SLC25A48: variants seen among roughly 807,000 people sequenced by gnomAD.
SLC25A48 encodes solute carrier family 25 member 48, also known as CTC-321K16.1.
A neutral mutation model predicts 32.2 loss-of-function variants in SLC25A48; 29 were observed. The observed-to-expected ratio is 0.90, with a 90% CI of 0.67 to 1.23. The LOEUF (loss-of-function observed/expected upper bound fraction) is 1.23, where lower values mean the gene tolerates loss of function less well. SLC25A48 is among the 50% of genes most tolerant of loss of function. SLC25A48 has a pLI of 0.00. For missense variants in SLC25A48, 399 were observed against 422.7 expected (o/e 0.94, Z 0.49); for synonymous variants, 164 against 172.3 (o/e 0.95, Z 0.38).
intron 4 of SLC25A48, among the ~76,000 whole-genome samples, chr5:135,822,454 A>G (rs1418673324): frequency 6.6e-6 from 1 of 152,156 alleles, no homozygotes; most frequent in Non-Finnish European, 1.5e-5. Context: ...CTGTTCCTTC[A>G]TGCCTCCCTC....
chr5:135,692,647 C>T (rs1042020253), intron 3 of SLC25A48, among the ~76,000 whole-genome samples: 5 of 152,244 alleles, frequency 3.3e-5, no homozygotes, highest in Admixed American at 1.3e-4. Flanking sequence ...TAGGAAATGC[C>T]GTCTTTGAGA....
chr5:135,850,449 T>C lies in SLC25A48; in HGVS notation c.115T>C (p.Tyr39His). The C allele has an allele frequency of 1.2e-6, 2 of 1,614,142 alleles. No individual in the cohort carries two copies. The highest frequency in any genetic ancestry group is 1.7e-6 in the Non-Finnish European group (2 of 1,180,016). Residue 39 changes from tyrosine to histidine, a missense_variant, in exon 3 of 8, where the codon TAC (tyrosine) becomes CAC (histidine). Transcript: ENST00000681962. ...VKTRLQAGVG[Y>H]GNTLSCIRVV... ...GACTCGCCTGCAGGCTGGCGTTGGCTACGGAAACACCCTCAGCTGCATCCG... is the reference window on the plus strand; with the variant it reads ...GACTCGCCTGCAGGCTGGCGTTGGCCACGGAAACACCCTCAGCTGCATCCG...
intron 3 of SLC25A48, among the ~76,000 whole-genome samples, chr5:135,709,412 C>T (rs192261921): frequency 8.7e-4 from 133 of 152,364 alleles, no homozygotes; most frequent in Admixed American, 1.8e-3. Context: ...TCTTAACCCA[C>T]GGGTCCTGGC....
In SLC25A48 at chr5:135,843,177, C is replaced by T. The variant is rs145637933; in HGVS notation, c.90+718C>T. On this transcript the variant is annotated intron_variant, in intron 2 of 7. Transcript: ENST00000681962. ...AAACACTTTAAGTAGTAAAGGGGGG[C>T]GTTTAGGCTCCCCAGGGGACATCCC... is the stretch of plus-strand genomic sequence containing the variant. Among the ~76,000 whole-genome samples, 753 of 152,254 alleles carry T rather than the reference C, an allele frequency of 4.9e-3. 3 individuals are homozygous for T. Among genetic ancestry groups the T allele is most frequent in the African/African-American group, 0.017 (724 of 41,542 alleles).
At chr5:135,850,282 G>C in intron 2 of SLC25A48, 143 bp from the exon 3 acceptor site, 2 of 719,162 alleles carry the variant, frequency 2.8e-6, no homozygotes, top group South Asian at 3.4e-5. Flanking sequence ...CTGGAGACAG[G>C]GCACCAGCCT....
At chr5:135,768,074 G>A in intron 3 of SLC25A48, among the ~76,000 whole-genome samples, 1 of 148,448 alleles carries the variant, frequency 6.7e-6, no homozygotes, top group African/African-American at 2.5e-5. Context: ...ATCGCAGCGG[G>A]TGTACACCCC....
intron 7 of SLC25A48, among the ~76,000 whole-genome samples, chr5:135,882,272 C>T (rs923713527): frequency 9.9e-5 from 15 of 152,242 alleles, no homozygotes; most frequent in African/African-American, 3.6e-4. Context: ...TGGCATTCAA[C>T]TTCCTGCTCT....
chr5:135,819,899 G>A (rs1480990088), intron 4 of SLC25A48, among the ~76,000 whole-genome samples: 1 of 152,092 alleles, frequency 6.6e-6, no homozygotes, highest in Non-Finnish European at 1.5e-5. Flanking sequence ...CCACGAGAAT[G>A]GCAGAAGTTA....
At chr5:135,768,690 C>T (rs1034087876) in intron 3 of SLC25A48, among the ~76,000 whole-genome samples, 2 of 151,432 alleles carry the variant, frequency 1.3e-5, no homozygotes, top group African/African-American at 4.9e-5. Context: ...CTCTGAATAT[C>T]GCAGGAATGT....
chr5:135,722,241 T>C (rs1388416953), intron 3 of SLC25A48, among the ~76,000 whole-genome samples: 1 of 152,246 alleles, frequency 6.6e-6, no homozygotes, highest in Non-Finnish European at 1.5e-5. Context: ...TTACTTGTGC[T>C]TGCTCTATCT....
In SLC25A48 at chr5:135,784,156, G is replaced by A. The variant is rs575684279; in HGVS notation, c.-520-28367G>A. 4.5e-4 allele frequency among the ~76,000 whole-genome samples: 51 copies of A among 113,984 alleles called. 5 individuals are homozygous for A. Among genetic ancestry groups the A allele is most frequent in the African/African-American group, 1.4e-3 (51 of 37,556 alleles). 74.8% of individuals were successfully genotyped at this position (113,984 alleles called of 152,430 possible). ...TTACTCCCAATATCCAGGGAAAAAGGGGACGACATTACTTTCAATATTGCA... is the reference window on the plus strand; with the variant it reads ...TTACTCCCAATATCCAGGGAAAAAGAGGACGACATTACTTTCAATATTGCA... On this transcript the variant is annotated intron_variant, in intron 3 of 10. Transcript: ENST00000646290.
chr5:135,702,440 C>G (rs114250133), intron 3 of SLC25A48, among the ~76,000 whole-genome samples: 1,824 of 152,334 alleles, frequency 0.012, 36 homozygotes, highest in African/African-American at 0.041. Context: ...TGCCAGCACC[C>G]ACCAGAAGGT....
At chr5:135,856,661 C>T (rs1366143747) in intron 4 of SLC25A48, among the ~76,000 whole-genome samples, 1 of 152,208 alleles carries the variant, frequency 6.6e-6, no homozygotes, top group African/African-American at 2.4e-5. Flanking sequence ...AGACACAGGG[C>T]CGGCAGTTCT....
At chr5:135,618,367 A>T (rs970529032) in intron 1 of SLC25A48, among the ~76,000 whole-genome samples, 1 of 151,888 alleles carries the variant, frequency 6.6e-6, no homozygotes, top group Non-Finnish European at 1.5e-5. Context: ...TTTATATTTC[A>T]GCCAATCTCT....
chr5:135,831,644 G>T (rs1758213012), upstream of SLC25A48, among the ~76,000 whole-genome samples: 1 of 152,190 alleles, frequency 6.6e-6, no homozygotes, highest in South Asian at 2.1e-4. Flanking sequence ...TCCCCACAAG[G>T]GAATAGCATG....
intron 3 of SLC25A48, among the ~76,000 whole-genome samples, chr5:135,764,683 C>T (rs1273588225): frequency 7.1e-6 from 1 of 140,292 alleles, no homozygotes; most frequent in Non-Finnish European, 1.5e-5. Flanking sequence ...TGTACACCAC[C>T]CTGTGATACA....
At chr5:135,854,413 T>A (rs997761111) in intron 4 of SLC25A48, among the ~76,000 whole-genome samples, 1 of 152,258 alleles carries the variant, frequency 6.6e-6, no homozygotes, top group African/African-American at 2.4e-5. Flanking sequence ...GTTCATCAAT[T>A]CTCTTAGCTA....
At chr5:135,591,144 C>T (rs1275660069) in intron 1 of SLC25A48, among the ~76,000 whole-genome samples, 1 of 152,218 alleles carries the variant, frequency 6.6e-6, no homozygotes, top group African/African-American at 2.4e-5. Context: ...AGCTGCACTT[C>T]TCTGGGGTCC....
intron 1 of SLC25A48, among the ~76,000 whole-genome samples, chr5:135,603,077 G>A (rs947824438): frequency 3.1e-4 from 47 of 152,132 alleles, no homozygotes; most frequent in African/African-American, 1.0e-3. Context: ...CCTTTGGTGG[G>A]GTCTCCCCTG....
Sources: gnomAD v4.1 joint callset for allele counts (sites outside exome capture counted in the v4.1 genomes callset) on GRCh38, gnomAD v4.1.1 for gene constraint, MANE v1.5 for transcripts, NCBI Gene and HGNC (gene_info 2026-07-23, HGNC 2026-07-21) for gene names.